Variants in TAFA5 observed in about 807,000 individuals in gnomAD.
TAFA5 encodes chemokine-like protein TAFA-5.
A neutral mutation model predicts 15.3 loss-of-function variants in TAFA5; 6 were observed. The observed-to-expected ratio is 0.39, with a 90% CI of 0.21 to 0.77. TAFA5 has a LOEUF of 0.77. TAFA5 is among the 30% of genes least tolerant of loss of function. The pLI is 0.41. For missense variants in TAFA5, 161 were observed against 193.1 expected (o/e 0.83, Z 0.98); for synonymous variants, 103 against 80.7 (o/e 1.28, Z -1.48).
intron 2 of TAFA5, among the ~76,000 whole-genome samples, chr22:48,699,258 C>T (rs914742537): frequency 3.3e-5 from 5 of 152,130 alleles, no homozygotes; most frequent in African/African-American, 1.2e-4. Context: ...GGGAAAGACC[C>T]ACCCTACTGT....
At chr22:48,641,127 GCTT>G (rs1926660090) in intron 1 of TAFA5, among the ~76,000 whole-genome samples, 2 of 146,228 alleles carry the variant, frequency 1.4e-5, no homozygotes, top group Non-Finnish European at 3.0e-5. Flanking sequence ...CTATGGGACA[GCTT>G]CTGCCTGAAG....
chr22:48,621,432 C>T (rs1925834512), intron 1 of TAFA5, among the ~76,000 whole-genome samples: 1 of 152,034 alleles, frequency 6.6e-6, no homozygotes, highest in Admixed American at 6.6e-5. Flanking sequence ...ATGCCCAGGG[C>T]AGCATGGCAC....
intron 2 of TAFA5, among the ~76,000 whole-genome samples, chr22:48,647,542 G>A (rs183868108): frequency 2.1e-4 from 32 of 152,284 alleles, no homozygotes; most frequent in African/African-American, 7.0e-4. Flanking sequence ...GAACCCCACA[G>A]CCGGGACCTC....
At chr22:48,535,086 G>GCCCTGGGGCCTCTCA (rs1189512454) in intron 1 of TAFA5, among the ~76,000 whole-genome samples, 1 of 152,140 alleles carries the variant, frequency 6.6e-6, no homozygotes, top group East Asian at 1.9e-4. Flanking sequence ...CCAAGGCTGG[G>GCCCTGGGGCCTCTCA]CCCTGGGGCC....
intron 1 of TAFA5, among the ~76,000 whole-genome samples, chr22:48,609,967 C>G (rs929309869): frequency 2.0e-5 from 3 of 152,236 alleles, no homozygotes; most frequent in Admixed American, 1.3e-4. Flanking sequence ...CCTAATGGCC[C>G]TCGCCTAACT....
intron 2 of TAFA5, among the ~76,000 whole-genome samples, chr22:48,681,498 A>AG (rs1928184285): frequency 6.6e-6 from 1 of 150,480 alleles, no homozygotes; most frequent in African/African-American, 2.4e-5. Context: ...TACAAAAAAA[A>AG]AAAAAAATTA....
At chr22:48,705,378 C>G (rs551920855) in intron 2 of TAFA5, among the ~76,000 whole-genome samples, 28 of 152,326 alleles carry the variant, frequency 1.8e-4, no homozygotes, top group Admixed American at 1.0e-3. Context: ...GCTCCTCCCC[C>G]CTTGTCGGAA....
intron 2 of TAFA5, among the ~76,000 whole-genome samples, chr22:48,672,988 G>A (rs1435447035): frequency 6.6e-6 from 1 of 152,122 alleles, no homozygotes; most frequent in Non-Finnish European, 1.5e-5. Context: ...GGACAGTGTG[G>A]AACAGACAAA....
chr22:48,715,867 C>G (rs747755368), intron 3 of TAFA5, among the ~76,000 whole-genome samples: 34 of 152,194 alleles, frequency 2.2e-4, no homozygotes, highest in Non-Finnish European at 3.2e-4. Flanking sequence ...AAAGGAGTGT[C>G]GAGAAGCCTG....
At chr22:48,571,955 C>A (rs769071812) in intron 1 of TAFA5, among the ~76,000 whole-genome samples, 2 of 152,062 alleles carry the variant, frequency 1.3e-5, no homozygotes, top group Non-Finnish European at 2.9e-5. Flanking sequence ...TAAAATGGTC[C>A]ACTCACATTA....
chr22:48,630,092 G>A (rs192822157), intron 1 of TAFA5, among the ~76,000 whole-genome samples: 288 of 152,286 alleles, frequency 1.9e-3, no homozygotes, highest in African/African-American at 6.7e-3. Flanking sequence ...GGGACGAGCA[G>A]GTGGAGTGGG....
At chr22:48,604,184 G>T (rs989965110) in intron 1 of TAFA5, among the ~76,000 whole-genome samples, 1 of 152,200 alleles carries the variant, frequency 6.6e-6, no homozygotes, top group African/African-American at 2.4e-5. Flanking sequence ...TCAGGCAGCC[G>T]CTGGGCCCCT....
At chr22:48,576,275 C>A (rs1193955510) in intron 1 of TAFA5, 5 of 782,454 alleles carry the variant, frequency 6.4e-6, no homozygotes, top group Non-Finnish European at 8.3e-6. Context: ...GCGCCCCCCT[C>A]CCCCCGCCCG....
intron 2 of TAFA5, among the ~76,000 whole-genome samples, chr22:48,672,923 G>A (rs1449654965): frequency 1.3e-5 from 2 of 152,140 alleles, no homozygotes; most frequent in Non-Finnish European, 2.9e-5. Context: ...AAAGACCACG[G>A]TCCTAATGGC....
intron 2 of TAFA5, among the ~76,000 whole-genome samples, chr22:48,705,061 G>C (rs924100612): frequency 8.5e-5 from 13 of 152,136 alleles, no homozygotes; most frequent in Middle Eastern, 3.4e-3. Flanking sequence ...GGCAGATCAG[G>C]GCCCCACACT....
At chr22:48,634,145 T>TTTATTCACTCAC (rs1327056160) in intron 1 of TAFA5, among the ~76,000 whole-genome samples, 7 of 106,000 alleles carry the variant, frequency 6.6e-5, no homozygotes, top group Non-Finnish European at 6.2e-5. Context: ...CACTCACTCA[T>TTTATTCACTCAC]TTATTCACTC....
intron 1 of TAFA5, among the ~76,000 whole-genome samples, chr22:48,595,725 A>C (rs1377619354): frequency 1.3e-5 from 2 of 152,242 alleles, no homozygotes; most frequent in Non-Finnish European, 2.9e-5. Context: ...GTCCTCTTGC[A>C]CTGTTTAATT....
At chr22:48,567,335 G>C (rs999116282) in intron 1 of TAFA5, among the ~76,000 whole-genome samples, 1 of 150,988 alleles carries the variant, frequency 6.6e-6, no homozygotes, top group Non-Finnish European at 1.5e-5. Context: ...CGGGTAGCAG[G>C]CTCCCGCCCC....
At position 48,550,560 on chromosome 22, in the gene TAFA5, G is replaced by T. The variant is rs1253129543; in HGVS notation, c.112+60856G>T. The stretch of plus-strand genomic sequence containing the variant: ...GAGTGTCTTGTATCAAAGCAGATAT[G>T]CCCTGCCCCCTACCCTCATCCCACG... On this transcript the variant is annotated intron_variant, in intron 1 of 3. Transcript: ENST00000402357. This position sits in a 1 kb window ranked among gnomAD's most constrained non-coding sequence, Gnocchi z 4.1. Among the ~76,000 whole-genome samples the T allele has an allele frequency of 6.6e-6, 1 of 152,188 alleles. No individual in the cohort carries two copies. Among genetic ancestry groups the T allele is most frequent in the Non-Finnish European group, 1.5e-5 (1 of 68,022 alleles).
Sources: gnomAD v4.1 joint callset for allele counts (sites outside exome capture counted in the v4.1 genomes callset) on GRCh38, gnomAD v4.1.1 for gene constraint, Gnocchi (gnomAD v3.1) non-coding constraint, MANE v1.5 for transcripts, NCBI Gene and HGNC (gene_info 2026-07-23, HGNC 2026-07-21) for gene names.